The following UNC45B variants were observed in gnomAD, a reference collection of about 807,000 sequenced individuals.
UNC45B encodes protein unc-45 homolog B.
In UNC45B, 78 loss-of-function variants were observed where a neutral mutation model predicts 98.7. The observed-to-expected ratio is 0.79, with a 90% CI of 0.66 to 0.95. The LOEUF (loss-of-function observed/expected upper bound fraction) is 0.95. Ranked by LOEUF, UNC45B falls within the 40% of genes least tolerant of loss-of-function variation. The pLI, the probability that UNC45B is intolerant of heterozygous loss-of-function variation, is 0.00. For synonymous variants in UNC45B, 462 were observed against 480.4 expected, an observed-to-expected ratio of 0.96 and a Z score of 0.50; for missense variants, 1,225 against 1,184.9, an observed-to-expected ratio of 1.03 and a Z score of -0.50.
At chr17:35,151,963 A>G (rs2092022759) in intron 4 of UNC45B, among the ~76,000 whole-genome samples, 1 of 152,166 alleles carries the variant, frequency 6.6e-6, no homozygotes, top group South Asian at 2.1e-4. Context: ...AATTAAAAAT[A>G]GGCTGGGTGC....
rs1044515114 is a variant in UNC45B, at chr17:35,149,093, A to C, written c.205+84A>C. 2.0e-6 allele frequency: 3 copies of C among 1,506,630 alleles called. No homozygotes were observed. The Admixed American group carries it at 5.0e-5, about 25-fold the overall frequency. The allele number at this position is 1,506,630 out of a possible 1,614,324, so 93.3% of individuals were successfully genotyped here. ...TTTAATCTAGTTACCATTTTGGGGG[A>C]AGAAACAGTGAGTATGGAGTGACTT... is the stretch of plus-strand genomic sequence containing the variant. On this transcript the variant is annotated intron_variant, in intron 3 of 19. Transcript: ENST00000394570.
At position 35,148,966 on chromosome 17, in the gene UNC45B, TC is replaced by T; in HGVS notation, c.169-5del. On this transcript the variant is annotated splice_polypyrimidine_tract_variant and splice_region_variant and intron_variant, in intron 2 of 19. Coordinates refer to ENST00000394570, the MANE Select transcript of UNC45B (RefSeq NM_001267052.2). The stretch of plus-strand genomic sequence containing the variant: ...ACCGAGTCTCCTTCTCCTTCCCCTT[TC>T]CTCAGGAGAGCTACGTCCAGGCAGC... 1 of 1,613,904 alleles carries T rather than the reference TC, an allele frequency of 6.2e-7. No homozygotes were observed. Among genetic ancestry groups the T allele is most frequent in the Non-Finnish European group, 8.5e-7 (1 of 1,179,924 alleles).
At position 35,148,303 on chromosome 17, in the gene UNC45B, AACC is replaced by A. The variant is rs745889435; in HGVS notation, c.41_43del (p.Asn14del). On this transcript the variant is annotated inframe_deletion, in exon 2 of 20. Coordinates refer to ENST00000394570, the MANE Select transcript of UNC45B (RefSeq NM_001267052.2). ...AGCGGTACAGCTGAAGGAGGAAGGA[AACC>A]GGCATTTCCAGCTCCAGGACTACAA... is the stretch of plus-strand genomic sequence containing the variant. The A allele has an allele frequency of 1.9e-6, 3 of 1,614,166 alleles. No homozygotes were observed. The highest frequency in any genetic ancestry group is 2.5e-6 in the Non-Finnish European group (3 of 1,180,020).
chr17:35,169,901 C>G lies in UNC45B; in HGVS notation c.1517C>G (p.Ser506Trp). 1 of 1,614,088 alleles carries G rather than the reference C, an allele frequency of 6.2e-7. No homozygotes were observed. The highest frequency in any genetic ancestry group is 1.3e-5 in the African/African-American group (1 of 75,002). Reference protein sequence around the residue: ...DYGLRQFAEGSTEKLAKQCRK... With the variant: ...DYGLRQFAEGWTEKLAKQCRK... Reference sequence around the variant, plus strand: ...GGTCTCAGGCAGTTTGCGGAAGGGTCGACAGAAAAACTGGCCAAACAGTGT... The same window carrying G: ...GGTCTCAGGCAGTTTGCGGAAGGGTGGACAGAAAAACTGGCCAAACAGTGT... The change falls in exon 11 of 20, where the codon TCG becomes TGG. Residue 506 changes from serine to tryptophan, a missense_variant. Coordinates refer to ENST00000394570, the MANE Select transcript of UNC45B (RefSeq NM_001267052.2).
chr17:35,155,720 C>T (rs149541176), intron 7 of UNC45B, among the ~76,000 whole-genome samples: 102 of 152,256 alleles, frequency 6.7e-4, no homozygotes, highest in African/African-American at 2.4e-3. Flanking sequence ...CAGGCACACA[C>T]CATCATGCCT....
intron 13 of UNC45B, among the ~76,000 whole-genome samples, chr17:35,172,605 G>A (rs543956800): frequency 3.9e-5 from 6 of 152,346 alleles, no homozygotes; most frequent in African/African-American, 1.2e-4. Flanking sequence ...TGCAGAGCAT[G>A]TGCTGTGGCT....
At chr17:35,174,656 CA>C (rs535444866) in intron 14 of UNC45B, among the ~76,000 whole-genome samples, 9 of 151,864 alleles carry the variant, frequency 5.9e-5, no homozygotes, top group Non-Finnish European at 1.0e-4. Flanking sequence ...CCCATCTGTA[CA>C]AAAAAATTTT....
chr17:35,184,847 C>G (rs2092294150), intron 19 of UNC45B, among the ~76,000 whole-genome samples: 1 of 152,156 alleles, frequency 6.6e-6, no homozygotes, highest in Admixed American at 6.5e-5. Flanking sequence ...TGAAGCTGCT[C>G]AGACTCATCT....
intron 8 of UNC45B, among the ~76,000 whole-genome samples, chr17:35,160,243 AG>A (rs1245008487): frequency 2.0e-5 from 3 of 152,252 alleles, no homozygotes; most frequent in Admixed American, 2.0e-4. Context: ...ACATAAGATA[AG>A]GTGAACATAG....
intron 5 of UNC45B, 48 bp from the exon 6 acceptor site, chr17:35,154,525 TG>T: frequency 6.3e-7 from 1 of 1,588,620 alleles, no homozygotes; most frequent in Non-Finnish European, 8.6e-7. Context: ...GGTCCAGGCC[TG>T]GGTGGCCGTA....
At chr17:35,183,328 A>G in intron 18 of UNC45B, 99 bp from the exon 19 acceptor site, 1 of 1,324,772 alleles carries the variant, frequency 7.5e-7, no homozygotes, top group Non-Finnish European at 9.8e-7. Context: ...GGGAAACTCT[A>G]AGAGATCTTG....
intron 17 of UNC45B, among the ~76,000 whole-genome samples, chr17:35,178,542 A>G (rs2092251960): frequency 2.0e-5 from 3 of 152,134 alleles, no homozygotes; most frequent in Admixed American, 1.3e-4. Flanking sequence ...CTTTAGTTTA[A>G]TTAGATCCCA....
intron 4 of UNC45B, among the ~76,000 whole-genome samples, chr17:35,152,089 T>TA (rs1379852105): frequency 1.3e-5 from 2 of 151,856 alleles, no homozygotes; most frequent in African/African-American, 2.4e-5. Flanking sequence ...CTATTAAAAA[T>TA]AAAAAAATTA....
chr17:35,165,591 G>T (rs1401200262), intron 9 of UNC45B, among the ~76,000 whole-genome samples: 1 of 152,064 alleles, frequency 6.6e-6, no homozygotes, highest in African/African-American at 2.4e-5. Context: ...AAATATTTTA[G>T]TATTTGTGGG....
chr17:35,154,682 G>C lies in UNC45B; in HGVS notation c.580G>C (p.Glu194Gln). The change falls in exon 6 of 20, where the codon GAG becomes CAG. Residue 194 changes from glutamate to glutamine, a missense_variant. Coordinates refer to ENST00000394570, the MANE Select transcript of UNC45B (RefSeq NM_001267052.2). ...LLQLLDTKKP[E>Q]LVLAAVRTLS... The stretch of plus-strand genomic sequence containing the variant: ...GCAGCTTCTGGACACTAAGAAGCCT[G>C]AGCTGGTGCTGGCTGCAGTGCGGAC... 3 of 1,612,344 alleles carry C rather than the reference G, an allele frequency of 1.9e-6. No homozygotes were observed. Among genetic ancestry groups the C allele is most frequent in the Non-Finnish European group, 2.5e-6 (3 of 1,179,664 alleles).
Position 35,177,739 on chromosome 17 carries a change from A to G in UNC45B, c.2255+129A>G. ...AAAGGCAAGGGGTGGGATTTGAGTTAGCACAAATCCACAAACCACACAGTG... is the reference window on the plus strand; with the variant it reads ...AAAGGCAAGGGGTGGGATTTGAGTTGGCACAAATCCACAAACCACACAGTG... On this transcript the variant is annotated intron_variant, in intron 17 of 19. Coordinates refer to ENST00000394570, the MANE Select transcript of UNC45B (RefSeq NM_001267052.2). 5 of 677,336 alleles carry G rather than the reference A, an allele frequency of 7.4e-6. No individual in the cohort carries two copies. In the South Asian group the frequency reaches 1.0e-4, roughly 14 times the overall value. 42.0% of individuals were successfully genotyped at this position (677,336 alleles called of 1,614,324 possible). A position where few individuals can be genotyped will look rare whatever the true frequency, so the allele number is the denominator to read the frequency against.
At chr17:35,181,903 G>A (rs189644693) in intron 18 of UNC45B, among the ~76,000 whole-genome samples, 17 of 152,128 alleles carry the variant, frequency 1.1e-4, no homozygotes, top group African/African-American at 4.1e-4. Flanking sequence ...GGGAGACAGA[G>A]AGTGTGTCCA....
At chr17:35,162,826 C>T (rs1359569907) in intron 8 of UNC45B, among the ~76,000 whole-genome samples, 1 of 152,098 alleles carries the variant, frequency 6.6e-6, no homozygotes, top group Non-Finnish European at 1.5e-5. Flanking sequence ...TCCCTCCTAA[C>T]ATCTAGAGTT....
At chr17:35,178,024 C>T (rs918177849) in intron 17 of UNC45B, among the ~76,000 whole-genome samples, 3 of 152,076 alleles carry the variant, frequency 2.0e-5, no homozygotes, top group East Asian at 1.9e-4. Flanking sequence ...CTCAGCCTCT[C>T]GAGTAGCTGG....
Sources: allele counts gnomAD v4.1 joint callset (sites outside exome capture counted in the v4.1 genomes callset), GRCh38; gene constraint gnomAD v4.1.1; transcripts MANE v1.5; gene names NCBI Gene and HGNC (gene_info 2026-07-23, HGNC 2026-07-21).